CDKL1: variants seen among roughly 807,000 people sequenced by gnomAD.
CDKL1 encodes the protein cyclin-dependent kinase-like 1.
A neutral mutation model predicts 42.0 loss-of-function variants in CDKL1; 41 were observed. That is an observed-to-expected ratio of 0.98 (90% CI 0.76 to 1.27). CDKL1 has a LOEUF of 1.27. CDKL1 is among the 50% of genes most tolerant of loss of function. The probability of loss-of-function intolerance (pLI) is 0.00; values close to 1 mark genes in which losing one functional copy is unlikely to be tolerated. For missense variants in CDKL1, 394 were observed against 428.4 expected (o/e 0.92, Z 0.71); for synonymous variants, 153 against 158.6 (o/e 0.96, Z 0.26).
At chr14:50,341,459 G>GGT (rs2033527893) in intron 5 of CDKL1, among the ~76,000 whole-genome samples, 1 of 57,278 alleles carries the variant, frequency 1.7e-5, no homozygotes, top group African/African-American at 1.6e-4. Context: ...GAGGGTCTGG[G>GGT]GGGGGGGGGG....
rs2032791259 is a variant in CDKL1 at position 50,328,549 on chromosome 14, A to G, written c.*1525T>C. The stretch of plus-strand genomic sequence containing the variant: ...AATACAACTTTGAAGACCATGGCTG[A>G]GAAGTGCTAGGAATAGTGGCAGCAC... On this transcript the variant is annotated 3_prime_UTR_variant, in exon 10 of 10. Coordinates refer to ENST00000395834, the MANE Select transcript of CDKL1 (RefSeq NM_004196.7). 1 of 152,220 alleles carries G rather than the reference A, an allele frequency of 6.6e-6. No individual in the cohort carries two copies. The highest frequency in any genetic ancestry group is 6.5e-5 in the Admixed American group (1 of 15,284). The allele number at this position is 152,220 out of a possible 1,614,324, so 9.4% of individuals were successfully genotyped here.
chr14:50,333,835 A>G (rs924274473), intron 8 of CDKL1: 2 of 151,762 alleles, frequency 1.3e-5, no homozygotes, highest in African/African-American at 4.8e-5. Flanking sequence ...TGTAACTTGC[A>G]AACATTTTAG....
chr14:50,333,752 A>G (rs2033098658), intron 8 of CDKL1: 1 of 152,168 alleles, frequency 6.6e-6, no homozygotes, highest in Non-Finnish European at 1.5e-5. Context: ...TAACAGTTAC[A>G]TTATCATTTA....
chr14:50,395,153 C>T (rs1227458124), intron 2 of CDKL1, among the ~76,000 whole-genome samples: 1 of 152,070 alleles, frequency 6.6e-6, no homozygotes, highest in East Asian at 1.9e-4. Flanking sequence ...CTGAGTATAC[C>T]AATAGGAAAT....
At chr14:50,337,386 C>T (rs529507129) in intron 7 of CDKL1, among the ~76,000 whole-genome samples, 2 of 146,792 alleles carry the variant, frequency 1.4e-5, no homozygotes, top group African/African-American at 5.1e-5. Context: ...GAGTTTTGCT[C>T]TGTCACCCAG....
At chr14:50,359,434 C>T (rs999526898) in intron 2 of CDKL1, among the ~76,000 whole-genome samples, 1 of 152,000 alleles carries the variant, frequency 6.6e-6, no homozygotes, top group African/African-American at 2.4e-5. Context: ...ACAAACTCAG[C>T]TTTCAAGATT....
At position 50,349,864 on chromosome 14, in the gene CDKL1, G is replaced by A. The variant is rs1329103934; in HGVS notation, c.291-4806C>T. On this transcript the variant is annotated intron_variant, in intron 3 of 9. Transcript: ENST00000395834. The stretch of plus-strand genomic sequence containing the variant: ...GCTCACTGCAACTTTCTCCTTCTGG[G>A]TTCAAGCAATTCTCCTGCCTCAGCC... Among the ~76,000 whole-genome samples the A allele has an allele frequency of 2.6e-5, 4 of 152,128 alleles. No homozygotes were observed. In the East Asian group the frequency reaches 5.8e-4, roughly 22 times the overall value.
chr14:50,332,230 G>A, intron 9 of CDKL1, 32 bp downstream of exon 9: 1 of 1,614,186 alleles, frequency 6.2e-7, no homozygotes, highest in Non-Finnish European at 8.5e-7. Context: ...TCTGTACCAG[G>A]TGGCAGGTAG....
At chr14:50,390,212 T>C in intron 2 of CDKL1, 4 of 1,364,912 alleles carry the variant, frequency 2.9e-6, no homozygotes, top group South Asian at 1.1e-5. Context: ...ATAGACAATG[T>C]CCCAGCTGCT....
In CDKL1 at chr14:50,359,035, G is replaced by C. The variant is rs199682549; in HGVS notation, c.283C>G (p.Gln95Glu). The stretch of plus-strand genomic sequence containing the variant: ...AAGGGATGGATCACTCACCCTCTTT[G>C]GTATCTGTCCAACTCATGGAGAACT... ...HTVLHELDRY[Q>E]RGVPEHLVKS... The change falls in exon 3 of 10, where the codon CAA (glutamine) becomes GAA (glutamate). Residue 95 changes from glutamine (Q) to glutamate (E), a missense_variant. Coordinates refer to ENST00000395834, the MANE Select transcript of CDKL1 (RefSeq NM_004196.7). 1.2e-6 allele frequency: 2 copies of C among 1,611,182 alleles called. No homozygotes were observed. The highest frequency in any genetic ancestry group is 1.7e-6 in the Non-Finnish European group (2 of 1,178,062).
chr14:50,343,602 G>A (rs952438200), intron 4 of CDKL1, among the ~76,000 whole-genome samples: 1 of 152,264 alleles, frequency 6.6e-6, no homozygotes, highest in South Asian at 2.1e-4. Flanking sequence ...AAGCAAGCAT[G>A]TGCTCCTATT....
chr14:50,329,942 C>A lies in CDKL1; in HGVS notation c.*132G>T. 9.2e-7 allele frequency: 1 copy of A among 1,091,594 alleles called. No individual in the cohort carries two copies. Among genetic ancestry groups the A allele is most frequent in the Non-Finnish European group, 1.3e-6 (1 of 798,404 alleles). 67.6% of individuals were successfully genotyped at this position (1,091,594 alleles called of 1,614,324 possible). ...TTCCCTTCATATCTTGCCAGTTGGCCTCCCAGTTTCTTGCTTATGTTTTCT... is the reference window on the plus strand; with the variant it reads ...TTCCCTTCATATCTTGCCAGTTGGCATCCCAGTTTCTTGCTTATGTTTTCT... On this transcript the variant is annotated 3_prime_UTR_variant, in exon 10 of 10. Coordinates refer to ENST00000395834, the MANE Select transcript of CDKL1 (RefSeq NM_004196.7).
Position 50,328,928 on chromosome 14 carries a change from C to CATATAAAT in CDKL1, c.*1145_*1146insATTTATAT, listed in dbSNP as rs1555337347. 1.4e-5 allele frequency: 2 copies of CATATAAAT among 146,542 alleles called. No individual in the cohort carries two copies. The highest frequency in any genetic ancestry group is 3.0e-5 in the Non-Finnish European group (2 of 66,698). 9.1% of individuals were successfully genotyped at this position (146,542 alleles called of 1,614,324 possible). Reference sequence around the variant, plus strand: ...GTTTTATATATATATATAAAAAACACATATATATATATGTGTGTGTGTGTC... The same window carrying CATATAAAT: ...GTTTTATATATATATATAAAAAACACATATAAATATATATATATATGTGTGTGTGTGTC... On this transcript the variant is annotated 3_prime_UTR_variant, in exon 10 of 10. Coordinates refer to ENST00000395834, the MANE Select transcript of CDKL1 (RefSeq NM_004196.7).
intron 3 of CDKL1, among the ~76,000 whole-genome samples, chr14:50,348,215 A>G (rs1160684010): frequency 6.6e-6 from 1 of 152,226 alleles, no homozygotes; most frequent in Non-Finnish European, 1.5e-5. Context: ...ATCCAGAAAG[A>G]ATCCTCAAAA....
rs1595354831 is a variant in CDKL1, at chr14:50,375,537, A to T, written c.169-16388T>A. Among the ~76,000 whole-genome samples the T allele has an allele frequency of 2.0e-5, 3 of 152,376 alleles. No individual in the cohort carries two copies. The South Asian group carries it at 6.2e-4, about 32-fold the overall frequency. On this transcript the variant is annotated intron_variant, in intron 2 of 9. Transcript: ENST00000395834. ...CGACACTACCTCAGCCAGGTGATCA[A>T]GGTCAACATCAATAGTGGTAAGTCG...
intron 3 of CDKL1, among the ~76,000 whole-genome samples, chr14:50,347,867 C>A (rs908261396): frequency 6.6e-5 from 10 of 152,108 alleles, no homozygotes; most frequent in African/African-American, 2.4e-4. Flanking sequence ...GAAGGGGACC[C>A]CACAAGGGCA....
intron 7 of CDKL1, chr14:50,335,474 G>T (rs761661931): frequency 2.6e-6 from 4 of 1,536,026 alleles, no homozygotes; most frequent in Non-Finnish European, 3.5e-6. Context: ...TGTTTAAACA[G>T]TCTCCTGTGG....
chr14:50,377,238 G>A (rs1294230415), intron 2 of CDKL1, among the ~76,000 whole-genome samples: 1 of 152,198 alleles, frequency 6.6e-6, no homozygotes, highest in African/African-American at 2.4e-5. Context: ...GGCCTTGTGT[G>A]ATGCTGAGGT....
intron 2 of CDKL1, among the ~76,000 whole-genome samples, chr14:50,385,755 G>A (rs1020466008): frequency 7.2e-4 from 97 of 134,544 alleles, no homozygotes; most frequent in African/African-American, 2.6e-3. Flanking sequence ...AGTGAGTTGA[G>A]ATTGCGCCAC....
Sources: gnomAD v4.1 joint callset for allele counts (sites outside exome capture counted in the v4.1 genomes callset) on GRCh38, gnomAD v4.1.1 for gene constraint, MANE v1.5 for transcripts, NCBI Gene and HGNC (gene_info 2026-07-23, HGNC 2026-07-21) for gene names.